The following JARID2 variants were observed in gnomAD, a reference collection of about 807,000 sequenced individuals.
The protein encoded by JARID2 is jumonji and AT-rich interaction domain containing 2.
In JARID2, 21 loss-of-function variants were observed where a neutral mutation model predicts 125.6. The observed-to-expected ratio is 0.17, with a 90% CI of 0.12 to 0.24. JARID2 has a LOEUF of 0.24. JARID2 is among the 10% of genes least tolerant of loss of function. The pLI is 1.00. For missense variants in JARID2, 1,303 were observed against 1,639.6 expected, an observed-to-expected ratio of 0.79 and a Z score of 3.55; for synonymous variants, 736 against 661.6, an observed-to-expected ratio of 1.11 and a Z score of -1.73.
At chr6:15,342,809 G>C (rs1395806214) in intron 1 of JARID2, among the ~76,000 whole-genome samples, 1 of 151,984 alleles carries the variant, frequency 6.6e-6, no homozygotes, top group Non-Finnish European at 1.5e-5. Context: ...ATTTTGTGTC[G>C]TTACTTACCC....
At chr6:15,514,681 G>C (rs566361083) in intron 16 of JARID2, among the ~76,000 whole-genome samples, 2 of 152,084 alleles carry the variant, frequency 1.3e-5, no homozygotes, top group Non-Finnish European at 2.9e-5. Context: ...CTAAAAACTC[G>C]GTGTGTCCTC....
intron 1 of JARID2, chr6:15,247,565 T>C (rs1255134592): frequency 1.0e-6 from 1 of 980,566 alleles, no homozygotes; most frequent in Non-Finnish European, 1.2e-6. Context: ...CAAATGAACA[T>C]ACCTTAGGAA....
At chr6:15,285,554 G>GA (rs1220792351) in intron 1 of JARID2, among the ~76,000 whole-genome samples, 12 of 151,538 alleles carry the variant, frequency 7.9e-5, no homozygotes, top group Non-Finnish European at 1.3e-4. Context: ...GACAAATAAG[G>GA]AAAAAAATAC....
At chr6:15,396,361 G>T (rs914232358) in intron 2 of JARID2, among the ~76,000 whole-genome samples, 6 of 152,192 alleles carry the variant, frequency 3.9e-5, no homozygotes, top group Non-Finnish European at 1.5e-5. Context: ...AACAGGTGAG[G>T]AAACTGAGGC....
At chr6:15,495,443 T>C (rs938719889) in intron 6 of JARID2, among the ~76,000 whole-genome samples, 6 of 152,162 alleles carry the variant, frequency 3.9e-5, no homozygotes, top group African/African-American at 1.2e-4. Flanking sequence ...GCATCCCTCT[T>C]CCATCCAGCC....
intron 1 of JARID2, among the ~76,000 whole-genome samples, chr6:15,315,206 A>G (rs1484340942): frequency 6.6e-6 from 1 of 152,220 alleles, no homozygotes; most frequent in Non-Finnish European, 1.5e-5. Context: ...AAAATTCTCC[A>G]TGTGTATAAG....
chr6:15,507,017 G>A (rs901877199), intron 9 of JARID2, 119 bp from the exon 10 acceptor site: 2 of 687,028 alleles, frequency 2.9e-6, no homozygotes, highest in African/African-American at 3.5e-5. Context: ...TGCAAAGAGA[G>A]CGTCTGTTCT....
intron 3 of JARID2, among the ~76,000 whole-genome samples, chr6:15,447,161 A>G (rs1767709305): frequency 1.3e-5 from 2 of 151,952 alleles, no homozygotes; most frequent in Non-Finnish European, 2.9e-5. Context: ...CCTCACCCCC[A>G]CTGCGCCAAC....
rs1316410441 is a variant in JARID2 at position 15,517,176 on chromosome 6, G to A, written c.3466G>A (p.Glu1156Lys). Residue 1156 changes from glutamate to lysine, a missense_variant, in exon 17 of 18, where the codon GAA becomes AAA. Physicochemically the swap from Glu to Lys is moderately conservative, Grantham distance 56. This residue lies in a region of JARID2 where 190 missense variants were observed against 341.4 expected (regional missense o/e 0.56). Transcript: ENST00000341776. ...CYLSMVVQEN[E>K]NVVFCLECAL... The stretch of plus-strand genomic sequence containing the variant: ...TTGCTTGCAGGTGGTACAAGAGAAC[G>A]AAAACGTCGTGTTCTGTCTGGAGTG... The A allele has an allele frequency of 1.2e-6, 2 of 1,613,792 alleles. No individual in the cohort carries two copies. The highest frequency in any genetic ancestry group is 1.7e-6 in the Non-Finnish European group (2 of 1,179,842).
At chr6:15,482,197 G>T (rs773995572) in intron 5 of JARID2, among the ~76,000 whole-genome samples, 9 of 152,226 alleles carry the variant, frequency 5.9e-5, no homozygotes, top group African/African-American at 2.2e-4. Flanking sequence ...GGTGACTCCT[G>T]TCAGTTTTTA....
At position 15,283,079 on chromosome 6, in the gene JARID2, T is replaced by C. The variant is rs374086254; in HGVS notation, c.45+36495T>C. ...CTGTAAGCTCTGCCTCCCGGGTTCT[T>C]GCCATTCTCCTGCCTCAGCCTCCCG... On this transcript the variant is annotated intron_variant, in intron 1 of 17. Coordinates refer to ENST00000341776, the MANE Select transcript of JARID2 (RefSeq NM_004973.4). 3.5e-3 allele frequency among the ~76,000 whole-genome samples: 525 copies of C among 151,702 alleles called. 2 individuals carry two copies. The highest frequency in any genetic ancestry group is 0.014 in the Middle Eastern group (4 of 286).
rs749694581 is a variant in JARID2 at position 15,487,417 on chromosome 6, C to A, written c.781C>A (p.Arg261Ser). Residue 261 changes from arginine (R) to serine (S), a missense_variant, in exon 6 of 18, where the codon CGC (arginine) becomes AGC (serine). Physicochemically the swap from Arg to Ser is moderately radical, Grantham distance 110 (BLOSUM62 -1). This residue lies in a region of JARID2 where 651 missense variants were observed against 581.6 expected (regional missense o/e 1.12). Transcript: ENST00000341776. ...GCACAGCGATCACCGGGCTGACAGCCGCCGGGAGCAGGCTTCAGCTAACCA... is the reference window on the plus strand; with the variant it reads ...GCACAGCGATCACCGGGCTGACAGCAGCCGGGAGCAGGCTTCAGCTAACCA... ...EKHSDHRADS[R>S]REQASANHPA... The A allele has an allele frequency of 1.2e-6, 2 of 1,614,250 alleles. No homozygotes were observed. Among genetic ancestry groups the A allele is most frequent in the South Asian group, 2.2e-5 (2 of 91,086 alleles).
At chr6:15,261,553 G>A (rs149013806) in intron 1 of JARID2, among the ~76,000 whole-genome samples, 178 of 151,984 alleles carry the variant, frequency 1.2e-3, no homozygotes, top group African/African-American at 4.1e-3. Flanking sequence ...ATCTCTTGAC[G>A]TTGTGATCTG....
chr6:15,324,774 C>G (rs1453693245), intron 1 of JARID2, among the ~76,000 whole-genome samples: 1 of 151,368 alleles, frequency 6.6e-6, no homozygotes, highest in Non-Finnish European at 1.5e-5. Context: ...CAAGTGTGAG[C>G]CACCGCTCCC....
At chr6:15,304,303 T>A (rs1192566326) in intron 1 of JARID2, among the ~76,000 whole-genome samples, 2 of 26,750 alleles carry the variant, frequency 7.5e-5, no homozygotes, top group Admixed American at 7.0e-4. Context: ...AATTTGCTGA[T>A]CCCCCCCCCC....
rs55811028 is a variant in JARID2 at position 15,392,039 on chromosome 6, GGTGTGTGT to G, written c.181+17819_181+17826del. The stretch of plus-strand genomic sequence containing the variant: ...GGCACCAGTGCAGTGATCCCAGAGT[GGTGTGTGT>G]GTGTGTGTGTGTGTGTGTGTGTGTG... On this transcript the variant is annotated intron_variant, in intron 2 of 17. Transcript: ENST00000341776. Among the ~76,000 whole-genome samples, 218 of 122,812 alleles carry G rather than the reference GGTGTGTGT, an allele frequency of 1.8e-3. 1 individual carries two copies. The highest frequency in any genetic ancestry group is 3.8e-3 in the African/African-American group (124 of 32,312). The allele number at this position is 122,812 out of a possible 152,430, so 80.6% of individuals were successfully genotyped here. A position where few individuals can be genotyped will look rare whatever the true frequency, so the allele number is the denominator to read the frequency against.
intron 4 of JARID2, among the ~76,000 whole-genome samples, chr6:15,457,671 G>T (rs1418317936): frequency 6.6e-6 from 1 of 150,854 alleles, no homozygotes; most frequent in Non-Finnish European, 1.5e-5. Context: ...ACTTCTTTGG[G>T]ATTTGGAAGA....
chr6:15,408,943 A>G (rs1213830660), intron 2 of JARID2, among the ~76,000 whole-genome samples: 19 of 151,882 alleles, frequency 1.3e-4, no homozygotes, highest in Admixed American at 1.2e-3. Flanking sequence ...TGTAGTCACA[A>G]CTCTTAAAGC....
rs71687714 is a variant in JARID2 at position 15,321,783 on chromosome 6, G to GTTTTTT, written c.46-52312_46-52307dup. Among the ~76,000 whole-genome samples, 2 of 68,500 alleles carry GTTTTTT rather than the reference G, an allele frequency of 2.9e-5. 1 individual carries two copies. Among genetic ancestry groups the GTTTTTT allele is most frequent in the African/African-American group, 1.1e-4 (2 of 17,408 alleles). The allele number at this position is 68,500 out of a possible 152,430, so 44.9% of individuals were successfully genotyped here. On this transcript the variant is annotated intron_variant, in intron 1 of 17. Transcript: ENST00000341776. ...TAATTTTATAATTGGAAGAATTCTT[G>GTTTTTT]TTTTTTTTTTTTTTTTTTTTTTTTT... is the stretch of plus-strand genomic sequence containing the variant.
Sources: allele counts gnomAD v4.1 joint callset (sites outside exome capture counted in the v4.1 genomes callset), GRCh38; gene constraint gnomAD v4.1.1; regional missense constraint gnomAD v4.1.1; transcripts MANE v1.5; gene names NCBI Gene and HGNC (gene_info 2026-07-23, HGNC 2026-07-21).